The following CRYBG1 variants were observed in gnomAD, a reference collection of about 807,000 sequenced individuals.
The protein encoded by CRYBG1 is crystallin beta-gamma domain containing 1, also known as beta/gamma crystallin domain-containing protein 1.
Under a neutral mutation model 189.2 loss-of-function variants are expected in CRYBG1, and 139 were observed. That is an observed-to-expected ratio of 0.73 (90% confidence interval 0.64 to 0.85). The LOEUF (loss-of-function observed/expected upper bound fraction) is 0.85. Among genes scored for constraint, CRYBG1 ranks in the 40% least tolerant of loss-of-function variants. CRYBG1 has a pLI of 0.00. For synonymous variants in CRYBG1, 1,023 were observed against 1,017.1 expected (o/e 1.01, Z -0.11); for missense variants, 2,611 against 2,675.8 (o/e 0.98, Z 0.53).
chr6:106,437,202 C>T (rs1170366016), intron 1 of CRYBG1, among the ~76,000 whole-genome samples: 2 of 152,030 alleles, frequency 1.3e-5, no homozygotes, highest in Admixed American at 6.6e-5. Context: ...TTTCATTAAC[C>T]CTTTATTTCT....
chr6:106,517,467 C>CATATATATAT (rs2114534368), intron 3 of CRYBG1, among the ~76,000 whole-genome samples: 1 of 105,410 alleles, frequency 9.5e-6, no homozygotes, highest in Admixed American at 9.3e-5. Context: ...TATATATACA[C>CATATATATAT]ACACACATAT....
At chr6:106,526,731 CA>C (rs1347682873) in intron 6 of CRYBG1, among the ~76,000 whole-genome samples, 1 of 151,808 alleles carries the variant, frequency 6.6e-6, no homozygotes, top group Non-Finnish European at 1.5e-5. Context: ...CACTTGAGGC[CA>C]GGAGTTCGAG....
chr6:106,552,627 A>T (rs1210674387), intron 15 of CRYBG1, among the ~76,000 whole-genome samples: 2 of 148,038 alleles, frequency 1.4e-5, no homozygotes, highest in African/African-American at 4.9e-5. Flanking sequence ...GACATTTGGG[A>T]CATTTTGTTA....
chr6:106,444,132 T>C (rs75649072), intron 1 of CRYBG1, among the ~76,000 whole-genome samples: 7,476 of 152,284 alleles, frequency 0.049, 434 homozygotes, highest in East Asian at 0.18. Context: ...ATGAGCTTAG[T>C]AAGATCATTA....
In CRYBG1 at chr6:106,571,763, G is replaced by C; in HGVS notation, c.*3197G>C. The C allele has an allele frequency of 2.2e-6, 1 of 455,572 alleles. No individual in the cohort carries two copies. Among genetic ancestry groups the C allele is most frequent in the South Asian group, 2.7e-5 (1 of 37,124 alleles). 28.2% of individuals were successfully genotyped at this position (455,572 alleles called of 1,614,324 possible). The stretch of plus-strand genomic sequence containing the variant: ...TGCCACAACAACCTGCAAAGCCAGT[G>C]TGAAGGAACAGCTTGAAAAAACTTC... On this transcript the variant is annotated 3_prime_UTR_variant, in exon 22 of 22. Coordinates refer to ENST00000633556, the MANE Select transcript of CRYBG1 (RefSeq NM_001371242.2).
chr6:106,384,952 T>C (rs141317101), intron 1 of CRYBG1, among the ~76,000 whole-genome samples: 1 of 144,840 alleles, frequency 6.9e-6, no homozygotes, highest in African/African-American at 2.5e-5. Flanking sequence ...TGTTCACTCA[T>C]CACTCCCATA....
chr6:106,385,988 AAAC>A (rs929815646), intron 1 of CRYBG1, among the ~76,000 whole-genome samples: 2 of 152,162 alleles, frequency 1.3e-5, no homozygotes, highest in Non-Finnish European at 2.9e-5. Context: ...AAACAAAACA[AAAC>A]AACAACAACA....
At chr6:106,521,512 A>T in intron 4 of CRYBG1, 59 bp downstream of exon 4, 1 of 1,467,186 alleles carries the variant, frequency 6.8e-7, no homozygotes, top group Non-Finnish European at 9.2e-7. Flanking sequence ...GAAGAGAAGG[A>T]TGATGAGCAA....
chr6:106,391,927 ACGTG>A lies in CRYBG1; in HGVS notation c.173+30847_173+30850del, dbSNP rs1282708315. On this transcript the variant is annotated intron_variant, in intron 1 of 21. Transcript: ENST00000633556. ...CGTTTCCAAAAGCCTGTTGTTTAAAACGTGTGTGTGTGTGTGTGTGTGTGTGTGT... is the reference window on the plus strand; with the variant it reads ...CGTTTCCAAAAGCCTGTTGTTTAAAATGTGTGTGTGTGTGTGTGTGTGTGT... Among the ~76,000 whole-genome samples the A allele has an allele frequency of 5.2e-3, 680 of 130,192 alleles. 5 individuals carry two copies. Among genetic ancestry groups the A allele is most frequent in the East Asian group, 0.052 (222 of 4,282 alleles). The allele number at this position is 130,192 out of a possible 152,430, so 85.4% of individuals were successfully genotyped here.
At chr6:106,391,981 T>C (rs1770516663) in intron 1 of CRYBG1, among the ~76,000 whole-genome samples, 1 of 145,622 alleles carries the variant, frequency 6.9e-6, no homozygotes, top group African/African-American at 2.6e-5. Flanking sequence ...GCGTGCGCGT[T>C]TCCTGAAAAG....
chr6:106,545,198 G>A (rs1263370552), intron 13 of CRYBG1, among the ~76,000 whole-genome samples: 1 of 152,116 alleles, frequency 6.6e-6, no homozygotes, highest in Non-Finnish European at 1.5e-5. Flanking sequence ...TTGTCATTCT[G>A]CACAGAAAGA....
intron 1 of CRYBG1, among the ~76,000 whole-genome samples, chr6:106,407,048 G>A (rs1186668824): frequency 1.3e-5 from 2 of 152,160 alleles, no homozygotes; most frequent in African/African-American, 2.4e-5. Context: ...AACCTTAAAT[G>A]TAAATGGCCT....
At chr6:106,533,482 G>A (rs555061121) in intron 8 of CRYBG1, among the ~76,000 whole-genome samples, 16 of 152,288 alleles carry the variant, frequency 1.1e-4, no homozygotes, top group Admixed American at 7.2e-4. Context: ...CTGTCTGTTC[G>A]TATAGAAAAT....
intron 1 of CRYBG1, among the ~76,000 whole-genome samples, chr6:106,379,355 G>A (rs568567532): frequency 4.6e-5 from 7 of 151,210 alleles, no homozygotes; most frequent in African/African-American, 1.5e-4. Context: ...TCTGCCTCCC[G>A]GGTTCATGCC....
At chr6:106,387,265 A>G (rs1233821736) in intron 1 of CRYBG1, among the ~76,000 whole-genome samples, 1 of 151,294 alleles carries the variant, frequency 6.6e-6, no homozygotes, top group Non-Finnish European at 1.5e-5. Flanking sequence ...CTGTCACTGG[A>G]ATTAGAAAAT....
At chr6:106,562,132 C>CA (rs1311586233) in intron 20 of CRYBG1, among the ~76,000 whole-genome samples, 24 of 150,706 alleles carry the variant, frequency 1.6e-4, no homozygotes, top group African/African-American at 5.6e-4. Flanking sequence ...CAAAACAAAA[C>CA]AAAAAACCAA....
intron 2 of CRYBG1, among the ~76,000 whole-genome samples, chr6:106,483,401 T>TATATATATATATATATATATATATATA: frequency 2.1e-5 from 2 of 95,710 alleles, no homozygotes; most frequent in Non-Finnish European, 5.0e-5. Flanking sequence ...GATATATATA[T>TATATATATATATATATATATATATATA]AAAACATTTT....
chr6:106,361,953 T>C (rs1018332523), intron 1 of CRYBG1, among the ~76,000 whole-genome samples: 3 of 89,144 alleles, frequency 3.4e-5, no homozygotes, highest in East Asian at 3.4e-4. Context: ...ATGGTTTTCC[T>C]TTTATTTCTT....
chr6:106,449,845 A>C (rs1771742322), intron 1 of CRYBG1, among the ~76,000 whole-genome samples: 1 of 152,222 alleles, frequency 6.6e-6, no homozygotes, highest in South Asian at 2.1e-4. Context: ...CATAGTATGA[A>C]ACTAAAGGAA....
Sources: allele counts gnomAD v4.1 joint callset (sites outside exome capture counted in the v4.1 genomes callset), GRCh38; gene constraint gnomAD v4.1.1; transcripts MANE v1.5; gene names NCBI Gene and HGNC (gene_info 2026-07-23, HGNC 2026-07-21).